Variants in RAD51B observed in about 807,000 individuals in gnomAD.
The protein encoded by RAD51B is DNA repair protein RAD51 homolog 2.
A neutral mutation model predicts 42.2 loss-of-function variants in RAD51B; 38 were observed. The ratio of observed to expected loss-of-function variants is 0.90; its 90% confidence interval spans 0.70 to 1.18. RAD51B has a LOEUF of 1.18. RAD51B is among the 50% of genes most tolerant of loss of function. The pLI, the probability that RAD51B is intolerant of heterozygous loss-of-function variation, is 0.00. For synonymous variants in RAD51B, 154 were observed against 145.2 expected, an observed-to-expected ratio of 1.06 and a Z score of -0.43; for missense variants, 373 against 400.7, an observed-to-expected ratio of 0.93 and a Z score of 0.59.
chr14:68,426,927 G>T (rs2084865158), intron 9 of RAD51B, among the ~76,000 whole-genome samples: 1 of 152,098 alleles, frequency 6.6e-6, no homozygotes, highest in South Asian at 2.1e-4. Context: ...GACTTTCCAG[G>T]GCCACTCAGG....
intron 10 of RAD51B, among the ~76,000 whole-genome samples, chr14:68,607,889 C>T (rs10131925): frequency 6.9e-4 from 105 of 152,324 alleles, no homozygotes; most frequent in African/African-American, 2.4e-3. Flanking sequence ...TGCCCCTTCT[C>T]ACACAGGCCT....
chr14:68,049,269 A>G (rs772396490), intron 7 of RAD51B, among the ~76,000 whole-genome samples: 1 of 152,190 alleles, frequency 6.6e-6, no homozygotes, highest in South Asian at 2.1e-4. Flanking sequence ...TGACGAGTTA[A>G]TGGGTGTAGC....
chr14:68,253,241 G>A (rs2080678059), intron 7 of RAD51B, among the ~76,000 whole-genome samples: 1 of 151,758 alleles, frequency 6.6e-6, no homozygotes, highest in Non-Finnish European at 1.5e-5. Flanking sequence ...TTTTTTCAGT[G>A]TATTTGTTTA....
chr14:68,019,713 T>G (rs1312184004), intron 7 of RAD51B, among the ~76,000 whole-genome samples: 8 of 152,198 alleles, frequency 5.3e-5, no homozygotes, highest in Admixed American at 3.3e-4. Flanking sequence ...AAGGGATGAC[T>G]GTGATTTTAT....
chr14:68,200,469 A>AAATTCTTGAACAG (rs1195687510), intron 7 of RAD51B, among the ~76,000 whole-genome samples: 13 of 152,320 alleles, frequency 8.5e-5, no homozygotes, highest in African/African-American at 2.9e-4. Context: ...TTACTATGGA[A>AAATTCTTGAACAG]AATTCTTGAA....
intron 4 of RAD51B, among the ~76,000 whole-genome samples, chr14:67,835,447 G>A (rs1303479626): frequency 6.6e-6 from 1 of 151,914 alleles, no homozygotes; most frequent in Admixed American, 6.6e-5. Flanking sequence ...CTTAGAAAGT[G>A]ATAAATATTG....
chr14:68,437,750 A>C (rs993039429), intron 9 of RAD51B, among the ~76,000 whole-genome samples: 36 of 152,230 alleles, frequency 2.4e-4, no homozygotes, highest in Middle Eastern at 3.2e-3. Context: ...ATACAGGCAA[A>C]TAAATATAAG....
chr14:68,027,606 C>T (rs2075975077), intron 7 of RAD51B, among the ~76,000 whole-genome samples: 2 of 152,114 alleles, frequency 1.3e-5, no homozygotes, highest in Non-Finnish European at 2.9e-5. Context: ...GGATTCTTTC[C>T]TCAGTGTGGT....
chr14:68,215,446 G>A (rs1408868202), intron 7 of RAD51B, among the ~76,000 whole-genome samples: 3 of 152,272 alleles, frequency 2.0e-5, no homozygotes, highest in East Asian at 1.9e-4. Context: ...ATTAACAAAT[G>A]TTTTCTGAGC....
At chr14:68,371,651 C>T (rs1286563938) in intron 8 of RAD51B, among the ~76,000 whole-genome samples, 1 of 152,172 alleles carries the variant, frequency 6.6e-6, no homozygotes, top group Non-Finnish European at 1.5e-5. Context: ...GACCAGTTAC[C>T]TGGGCAACAA....
intron 7 of RAD51B, among the ~76,000 whole-genome samples, chr14:68,053,864 G>A (rs2076432535): frequency 6.6e-6 from 1 of 152,082 alleles, no homozygotes; most frequent in African/African-American, 2.4e-5. Context: ...TAATTCTGTT[G>A]GTAAATATTG....
chr14:68,402,645 C>G (rs2084141879), intron 8 of RAD51B, among the ~76,000 whole-genome samples: 2 of 152,094 alleles, frequency 1.3e-5, no homozygotes, highest in Non-Finnish European at 2.9e-5. Flanking sequence ...GCAAAAGAAC[C>G]CATGCCTGTG....
At chr14:68,255,722 GTCATTGT>G (rs2080740583) in intron 7 of RAD51B, among the ~76,000 whole-genome samples, 1 of 152,172 alleles carries the variant, frequency 6.6e-6, no homozygotes, top group African/African-American at 2.4e-5. Context: ...CAATGTAATA[GTCATTGT>G]TCATGGATGC....
chr14:68,497,997 A>AT (rs58314124), intron 10 of RAD51B: 179,201 of 179,208 alleles, frequency 1, 89,597 homozygotes, highest in Non-Finnish European at 1. Flanking sequence ...ATTTATTTGA[A>AT]ACCTATTTTC....
intron 10 of RAD51B, among the ~76,000 whole-genome samples, chr14:68,560,533 C>T (rs1245156814): frequency 2.6e-5 from 4 of 152,002 alleles, no homozygotes; most frequent in Non-Finnish European, 4.4e-5. Flanking sequence ...GTCAGGAGTT[C>T]GAGACTAGCC....
Position 68,609,774 on chromosome 14 carries a change from C to G in RAD51B, c.1037-1232C>G, listed in dbSNP as rs75563461. ...GTCCTTTCACCTTCCTCTTCTCCAGCCCTGGCCATCGGCTGCTACTGAAGG... is the reference window on the plus strand; with the variant it reads ...GTCCTTTCACCTTCCTCTTCTCCAGGCCTGGCCATCGGCTGCTACTGAAGG... On this transcript the variant is annotated intron_variant, in intron 10 of 10. Transcript: ENST00000487861. Among the ~76,000 whole-genome samples, 213 of 152,286 alleles carry G rather than the reference C, an allele frequency of 1.4e-3. 5 individuals carry two copies. In the East Asian group the frequency reaches 0.035, roughly 25 times the overall value.
intron 7 of RAD51B, among the ~76,000 whole-genome samples, chr14:68,291,362 CCTGA>C (rs1371859847): frequency 6.6e-6 from 1 of 151,800 alleles, no homozygotes; most frequent in African/African-American, 2.4e-5. Flanking sequence ...TGCCACCATG[CCTGA>C]CTAATTTTGT....
At chr14:68,560,278 TTC>T (rs1889076649) in intron 10 of RAD51B, among the ~76,000 whole-genome samples, 1 of 152,084 alleles carries the variant, frequency 6.6e-6, no homozygotes, top group African/African-American at 2.4e-5. Context: ...GGAAAAAAAA[TTC>T]TTTTTCAATT....
At chr14:67,900,323 A>C (rs761204299) in intron 7 of RAD51B, among the ~76,000 whole-genome samples, 3 of 152,184 alleles carry the variant, frequency 2.0e-5, no homozygotes, top group Non-Finnish European at 4.4e-5. Context: ...AAGTCTTGTA[A>C]TAAGGATGCT....
Sources: allele counts gnomAD v4.1 joint callset (sites outside exome capture counted in the v4.1 genomes callset), GRCh38; gene constraint gnomAD v4.1.1; transcripts MANE v1.5; gene names NCBI Gene and HGNC (gene_info 2026-07-23, HGNC 2026-07-21).